Variants in ANKRD55 observed in about 807,000 individuals in gnomAD.
ANKRD55 encodes the protein ankyrin repeat domain 55.
In ANKRD55, 41 loss-of-function variants were observed where a neutral mutation model predicts 60.6. The ratio of observed to expected loss-of-function variants is 0.68; its 90% confidence interval spans 0.53 to 0.88. ANKRD55 has a LOEUF of 0.88. ANKRD55 is among the 40% of genes least tolerant of loss of function. ANKRD55 has a pLI of 0.00. For synonymous variants in ANKRD55, 264 were observed against 290.3 expected (o/e 0.91, Z 0.92); for missense variants, 732 against 767.6 (o/e 0.95, Z 0.55).
intron 2 of ANKRD55, among the ~76,000 whole-genome samples, chr5:56,184,403 G>A (rs1377080322): frequency 6.6e-6 from 1 of 152,192 alleles, no homozygotes. Context: ...AGTCTGTGGA[G>A]CTTCAGCATC....
chr5:56,195,423 C>T (rs890262317), intron 2 of ANKRD55, among the ~76,000 whole-genome samples: 5 of 152,182 alleles, frequency 3.3e-5, no homozygotes, highest in Admixed American at 3.3e-4. Context: ...GCTGTCATGC[C>T]ACTTACTCTG....
chr5:56,153,006 C>A (rs1758094049), intron 6 of ANKRD55, among the ~76,000 whole-genome samples: 2 of 151,958 alleles, frequency 1.3e-5, no homozygotes, highest in African/African-American at 4.8e-5. Context: ...TCAAAATAGC[C>A]AACAGCCTAC....
At chr5:56,167,683 G>A (rs972282940) in intron 5 of ANKRD55, among the ~76,000 whole-genome samples, 7 of 152,158 alleles carry the variant, frequency 4.6e-5, no homozygotes, top group African/African-American at 1.7e-4. Context: ...GCACACAGAA[G>A]GATGTTTATT....
At chr5:56,135,215 C>CTTCCTTCT (rs1222991975) in intron 7 of ANKRD55, among the ~76,000 whole-genome samples, 2 of 14,632 alleles carry the variant, frequency 1.4e-4, no homozygotes, top group Non-Finnish European at 4.5e-4. Flanking sequence ...CACAACTTTC[C>CTTCCTTCT]TTCCTTCCTT....
chr5:56,108,807 G>A (rs1341946857), intron 10 of ANKRD55, among the ~76,000 whole-genome samples: 2 of 152,202 alleles, frequency 1.3e-5, no homozygotes, highest in Non-Finnish European at 2.9e-5. Context: ...GGGAGGCCGA[G>A]GCGGACGGAT....
At chr5:56,148,345 C>T (rs868346267) in intron 6 of ANKRD55, among the ~76,000 whole-genome samples, 3 of 152,080 alleles carry the variant, frequency 2.0e-5, no homozygotes, top group Admixed American at 6.6e-5. Context: ...ACCCAGATGG[C>T]CCTGGTGACG....
At chr5:56,146,651 CTT>C (rs1757907654) in intron 6 of ANKRD55, 3 of 152,166 alleles carry the variant, frequency 2.0e-5, no homozygotes, top group Non-Finnish European at 1.5e-5. Flanking sequence ...ATGACCTCTC[CTT>C]TATAGACAAT....
intron 7 of ANKRD55, among the ~76,000 whole-genome samples, chr5:56,129,032 G>T (rs1372879578): frequency 6.6e-6 from 1 of 152,176 alleles, no homozygotes; most frequent in African/African-American, 2.4e-5. Context: ...TCCTAGTAAG[G>T]TTTCCATGGT....
chr5:56,118,829 A>C (rs1348282318), intron 8 of ANKRD55, among the ~76,000 whole-genome samples: 2 of 152,090 alleles, frequency 1.3e-5, no homozygotes, highest in Non-Finnish European at 2.9e-5. Context: ...TAAAACCACA[A>C]TGAAATACCA....
At chr5:56,116,952 A>G in intron 8 of ANKRD55, 170 bp from the exon 9 acceptor site, 2 of 629,224 alleles carry the variant, frequency 3.2e-6, no homozygotes, top group Non-Finnish European at 5.3e-6. Flanking sequence ...GATGGTGGAC[A>G]TGTGTAGGGG....
intron 2 of ANKRD55, among the ~76,000 whole-genome samples, chr5:56,226,221 A>G (rs1760107238): frequency 6.6e-6 from 1 of 152,260 alleles, no homozygotes; most frequent in African/African-American, 2.4e-5. Flanking sequence ...GACAAAAACA[A>G]GAAATGAGGA....
chr5:56,141,115 A>G (rs532667854), intron 7 of ANKRD55, among the ~76,000 whole-genome samples: 4 of 145,856 alleles, frequency 2.7e-5, no homozygotes, highest in Non-Finnish European at 4.5e-5. Context: ...ATGTGTGTAC[A>G]TGCATGCACA....
At chr5:56,122,616 GC>G (rs1283148914) in intron 8 of ANKRD55, among the ~76,000 whole-genome samples, 1 of 151,998 alleles carries the variant, frequency 6.6e-6, no homozygotes, top group Non-Finnish European at 1.5e-5. Context: ...CTGAGATCGT[GC>G]CACTGCACTC....
chr5:56,126,997 G>GCTGC lies in ANKRD55; in HGVS notation c.718_721dup (p.Ala241GlyfsTer10). 1 of 1,613,662 alleles carries GCTGC rather than the reference G, an allele frequency of 6.2e-7. No homozygotes were observed. Among genetic ancestry groups the GCTGC allele is most frequent in the Non-Finnish European group, 8.5e-7 (1 of 1,179,768 alleles). On this transcript the variant is annotated frameshift_variant, in exon 8 of 12. Transcript: ENST00000341048. LOFTEE classifies it high-confidence loss of function. ...CTCATGAATAATATCGCTGAAGCCCGCTGCCGCTGCGATATGTACACATGT... is the reference window on the plus strand; with the variant it reads ...CTCATGAATAATATCGCTGAAGCCCGCTGCCTGCCGCTGCGATATGTACACATGT...
At chr5:56,166,215 CTCTTTCTT>C (rs1216590662) in intron 5 of ANKRD55, among the ~76,000 whole-genome samples, 4 of 129,490 alleles carry the variant, frequency 3.1e-5, no homozygotes, top group African/African-American at 3.3e-5. Context: ...CTCTCTCTCT[CTCTTTCTT>C]TCTTTCTTTC....
At chr5:56,104,510 G>A (rs1044558547) in intron 10 of ANKRD55, among the ~76,000 whole-genome samples, 2 of 152,124 alleles carry the variant, frequency 1.3e-5, no homozygotes, top group African/African-American at 4.8e-5. Flanking sequence ...ACAGGGTGGA[G>A]CCGTGCATAG....
Position 56,100,251 on chromosome 5 carries a change from G to T in ANKRD55, c.1777C>A (p.Gln593Lys). The T allele has an allele frequency of 3.1e-6, 5 of 1,614,192 alleles. No individual in the cohort carries two copies. The highest frequency in any genetic ancestry group is 4.2e-6 in the Non-Finnish European group (5 of 1,180,042). The change falls in exon 12 of 12, where the codon CAA becomes AAA. Residue 593 changes from glutamine to lysine, a missense_variant. Gln to Lys is a moderately conservative substitution (Grantham distance 53). Transcript: ENST00000341048. ...TNRVLPAIPS[Q>K]RRHSTAAEES... is the part of the protein sequence containing the mutation. ...TCTGCTGCTGTGCTGTGTCTTCGTT[G>T]ACTTGGAATTGCAGGAAGCACTCGG...
intron 7 of ANKRD55, among the ~76,000 whole-genome samples, chr5:56,140,216 C>A (rs1280345771): frequency 6.6e-6 from 1 of 152,158 alleles, no homozygotes; most frequent in Admixed American, 6.5e-5. Context: ...ACAATGCTAG[C>A]CCTGTGTTAT....
intron 2 of ANKRD55, among the ~76,000 whole-genome samples, chr5:56,197,579 A>C (rs1759254642): frequency 6.6e-6 from 1 of 152,174 alleles, no homozygotes; most frequent in South Asian, 2.1e-4. Context: ...TTTTAGATTA[A>C]GATCTTCGTT....
Sources: gnomAD v4.1 joint callset for allele counts (sites outside exome capture counted in the v4.1 genomes callset) on GRCh38, gnomAD v4.1.1 for gene constraint, MANE v1.5 for transcripts, NCBI Gene and HGNC (gene_info 2026-07-23, HGNC 2026-07-21) for gene names.